SPATA31H1: variants seen among roughly 807,000 people sequenced by gnomAD.
SPATA31H1 encodes the protein SPATA31 subfamily H member 1.
the SPATA31H1 span, chr2:27,580,674 A>C: frequency 1.3e-5 from 21 of 1,614,148 alleles, no homozygotes; most frequent in African/African-American, 5.3e-5. Context: ...ACACAGAGTT[A>C]TAGCTTCTGT....
At chr2:27,545,943 TGA>T in the SPATA31H1 span, among the ~76,000 whole-genome samples, 4,108 of 152,152 alleles carry the variant, frequency 0.027, 232 homozygotes, top group African/African-American at 0.095. Flanking sequence ...TAATGACTTA[TGA>T]TAATGTGCAA....
At chr2:27,550,507 C>T in the SPATA31H1 span, among the ~76,000 whole-genome samples, 2 of 150,350 alleles carry the variant, frequency 1.3e-5, no homozygotes, top group Admixed American at 1.3e-4. Context: ...CAACCTCCGC[C>T]TCCTGGGTTC....
chr2:27,542,580 A>T, the SPATA31H1 span, among the ~76,000 whole-genome samples: 5 of 148,880 alleles, frequency 3.4e-5, no homozygotes, highest in African/African-American at 1.3e-4. Context: ...TCTATAGGAT[A>T]GCGCCAGCCT....
At chr2:27,550,863 A>C in the SPATA31H1 span, among the ~76,000 whole-genome samples, 1 of 151,762 alleles carries the variant, frequency 6.6e-6, no homozygotes, top group Non-Finnish European at 1.5e-5. Context: ...TAATATGTTC[A>C]TGATGCTTTT....
the SPATA31H1 span, among the ~76,000 whole-genome samples, chr2:27,550,906 T>C: frequency 6.6e-6 from 1 of 151,924 alleles, no homozygotes; most frequent in Non-Finnish European, 1.5e-5. Context: ...TCTTTTTTTT[T>C]TGAGATGGAG....
chr2:27,562,629 G>A, the SPATA31H1 span, among the ~76,000 whole-genome samples: 1 of 151,048 alleles, frequency 6.6e-6, no homozygotes, highest in South Asian at 2.1e-4. Flanking sequence ...GCTCACGCCT[G>A]TAATCCTAGC....
At chr2:27,564,417 C>T in the SPATA31H1 span, among the ~76,000 whole-genome samples, 2 of 152,088 alleles carry the variant, frequency 1.3e-5, no homozygotes, top group Non-Finnish European at 2.9e-5. Flanking sequence ...TGATATGGGG[C>T]GTTGAAGTAT....
At chr2:27,577,773 G>C in the SPATA31H1 span, 2 of 1,614,142 alleles carry the variant, frequency 1.2e-6, no homozygotes, top group Non-Finnish European at 1.7e-6. This position sits in a 1 kb window ranked among gnomAD's most constrained non-coding sequence, Gnocchi z 4.5. Context: ...TCAAGTCCCA[G>C]AATCTGTAAA....
chr2:27,574,143 G>A, the SPATA31H1 span: 5 of 398,486 alleles, frequency 1.3e-5, no homozygotes, highest in Non-Finnish European at 1.8e-5. Flanking sequence ...GAAATCTTCT[G>A]AGTCGATACC....
the SPATA31H1 span, among the ~76,000 whole-genome samples, chr2:27,562,872 G>A: frequency 2.0e-5 from 3 of 150,418 alleles, no homozygotes; most frequent in Non-Finnish European, 4.4e-5. Flanking sequence ...GGACGACAGA[G>A]TGAGATTCTG....
At chr2:27,572,212 C>T in the SPATA31H1 span, 3 of 398,256 alleles carry the variant, frequency 7.5e-6, no homozygotes, top group South Asian at 2.6e-4. Context: ...ATGAAATCTC[C>T]CAAGTTGACC....
the SPATA31H1 span, chr2:27,569,663 A>C: frequency 2.5e-6 from 1 of 398,886 alleles, no homozygotes. Flanking sequence ...ACATGAATTT[A>C]ATCCAACAGT....
At chr2:27,545,118 G>A in the SPATA31H1 span, among the ~76,000 whole-genome samples, 4 of 151,116 alleles carry the variant, frequency 2.6e-5, no homozygotes, top group African/African-American at 9.8e-5. Context: ...CATCTCCCAG[G>A]TTCAAGTGAT....
the SPATA31H1 span, among the ~76,000 whole-genome samples, chr2:27,548,639 A>T: frequency 6.6e-6 from 1 of 151,168 alleles, no homozygotes; most frequent in Admixed American, 6.6e-5. Flanking sequence ...ATTGTCTCCT[A>T]AGTGATATAA....
the SPATA31H1 span, chr2:27,566,951 G>C: frequency 4.2e-6 from 3 of 717,492 alleles, no homozygotes; most frequent in Non-Finnish European, 7.8e-6. Flanking sequence ...GGGAATTCCG[G>C]AGCCATAGTT....
the SPATA31H1 span, chr2:27,568,342 C>T: frequency 3.2e-4 from 127 of 398,864 alleles, no homozygotes; most frequent in African/African-American, 2.3e-3. Flanking sequence ...ATGGAATCTG[C>T]GGGCATGACC....
the SPATA31H1 span, among the ~76,000 whole-genome samples, chr2:27,564,570 A>G: frequency 6.6e-6 from 1 of 152,144 alleles, no homozygotes; most frequent in South Asian, 2.1e-4. Flanking sequence ...TAATCCTAGC[A>G]CTTTGGGAGG....
the SPATA31H1 span, chr2:27,574,626 C>G: frequency 2.5e-6 from 1 of 398,348 alleles, no homozygotes; most frequent in African/African-American, 2.1e-5. Flanking sequence ...ACAACAGACA[C>G]AAAGCGAAAA....
chr2:27,568,232 G>T, the SPATA31H1 span: 1 of 399,046 alleles, frequency 2.5e-6, no homozygotes, highest in Admixed American at 4.4e-5. Context: ...TGAACACATT[G>T]TTGAACCATC....
Sources: allele counts gnomAD v4.1 joint callset (sites outside exome capture counted in the v4.1 genomes callset), GRCh38; gene constraint gnomAD v4.1.1; non-coding constraint Gnocchi (gnomAD v3.1); transcripts MANE v1.5; gene names NCBI Gene and HGNC (gene_info 2026-07-23, HGNC 2026-07-21).